The following AGBL4 variants were observed in gnomAD, a reference collection of about 807,000 sequenced individuals.
AGBL4 encodes the protein AGBL carboxypeptidase 4, also known as cytosolic carboxypeptidase 6.
AGBL4 carries 58 observed loss-of-function variants against 66.4 expected under a neutral mutation model. The observed-to-expected ratio is 0.87, with a 90% CI of 0.71 to 1.09. AGBL4 has a LOEUF of 1.09. Among genes scored for constraint, AGBL4 ranks in the 50% least tolerant of loss-of-function variants. The pLI, the probability that AGBL4 is intolerant of heterozygous loss-of-function variation, is 0.00. For missense variants in AGBL4, 579 were observed against 631.0 expected (o/e 0.92, Z 0.88); for synonymous variants, 234 against 222.9 (o/e 1.05, Z -0.44).
intron 3 of AGBL4, among the ~76,000 whole-genome samples, chr1:49,265,936 C>A (rs1440233718): frequency 6.6e-6 from 1 of 152,038 alleles, no homozygotes; most frequent in Non-Finnish European, 1.5e-5. Flanking sequence ...CCATGAAGAA[C>A]CAAAAAGTTG....
At chr1:48,996,817 C>CCATTCCTT (rs1553137069) in intron 5 of AGBL4, among the ~76,000 whole-genome samples, 1 of 147,756 alleles carries the variant, frequency 6.8e-6, no homozygotes, top group Non-Finnish European at 1.5e-5. Context: ...CTTCCTTCCT[C>CCATTCCTT]CCTTCCTTCC....
intron 6 of AGBL4, among the ~76,000 whole-genome samples, chr1:48,706,469 T>C (rs17104687): frequency 0.046 from 6,990 of 152,032 alleles, 493 homozygotes; most frequent in African/African-American, 0.15. Flanking sequence ...CACATGGAAA[T>C]TGAAATCACT....
chr1:49,629,884 G>C (rs1282823248), intron 3 of AGBL4, among the ~76,000 whole-genome samples: 1 of 152,030 alleles, frequency 6.6e-6, no homozygotes, highest in Admixed American at 6.6e-5. Context: ...AGTGACTTTT[G>C]GGGGGAAATC....
At chr1:49,956,515 G>A (rs962906464) in intron 1 of AGBL4, among the ~76,000 whole-genome samples, 1 of 151,816 alleles carries the variant, frequency 6.6e-6, no homozygotes. Context: ...ACATTATAAT[G>A]ACTTACCCTT....
At position 49,795,998 on chromosome 1, in the gene AGBL4, A is replaced by G. The variant is rs544659698; in HGVS notation, c.157+55398T>C. On this transcript the variant is annotated intron_variant, in intron 2 of 13. Transcript: ENST00000371839. Reference sequence around the variant, plus strand: ...AATCATGATCATAAAATTAAAATATATCAAGCTAAGAAAATACTGGCCACA... The same window carrying G: ...AATCATGATCATAAAATTAAAATATGTCAAGCTAAGAAAATACTGGCCACA... Among the ~76,000 whole-genome samples the G allele has an allele frequency of 9.9e-5, 15 of 152,108 alleles. No homozygotes were observed. The South Asian group carries it at 3.1e-3, about 32-fold the overall frequency.
At chr1:49,925,732 C>A (rs1652700147) in intron 1 of AGBL4, among the ~76,000 whole-genome samples, 2 of 152,182 alleles carry the variant, frequency 1.3e-5, no homozygotes, top group South Asian at 4.1e-4. Flanking sequence ...ATTGGCAGTG[C>A]CCTGGCGGTG....
chr1:48,707,810 C>T (rs1184848425), intron 6 of AGBL4, among the ~76,000 whole-genome samples: 1 of 152,180 alleles, frequency 6.6e-6, no homozygotes. Flanking sequence ...GCCAAGCTGT[C>T]TATCAGGTTC....
At chr1:50,002,559 C>T (rs1162428905) in intron 1 of AGBL4, among the ~76,000 whole-genome samples, 1 of 151,168 alleles carries the variant, frequency 6.6e-6, no homozygotes, top group Non-Finnish European at 1.5e-5. Flanking sequence ...TTAGTAGAGA[C>T]GGGGTTTCAC....
At chr1:48,605,789 T>C (rs1215596933) in intron 9 of AGBL4, among the ~76,000 whole-genome samples, 1 of 152,344 alleles carries the variant, frequency 6.6e-6, no homozygotes, top group Middle Eastern at 3.4e-3. Flanking sequence ...TTATCTTCTC[T>C]GAGAAATGCT....
intron 4 of AGBL4, among the ~76,000 whole-genome samples, chr1:49,065,228 T>A (rs949536457): frequency 2.6e-5 from 4 of 152,146 alleles, no homozygotes; most frequent in Non-Finnish European, 4.4e-5. Context: ...AGGCTAACAC[T>A]TAAACAATAT....
intron 9 of AGBL4, among the ~76,000 whole-genome samples, chr1:48,611,873 T>G (rs531850011): frequency 1.0e-3 from 158 of 152,356 alleles, no homozygotes; most frequent in African/African-American, 3.7e-3. Flanking sequence ...CTCCCTAGTC[T>G]GAAACAAACA....
At chr1:49,881,717 C>A (rs536714449) in intron 1 of AGBL4, among the ~76,000 whole-genome samples, 1 of 151,182 alleles carries the variant, frequency 6.6e-6, no homozygotes, top group South Asian at 2.1e-4. Context: ...GTCCCTCGCC[C>A]ACTTTTTGAT....
chr1:49,957,576 G>A (rs1656726852), intron 1 of AGBL4, among the ~76,000 whole-genome samples: 1 of 151,906 alleles, frequency 6.6e-6, no homozygotes, highest in African/African-American at 2.4e-5. Flanking sequence ...AGGATAGTTA[G>A]CTCTTCTTGT....
At chr1:49,502,789 A>G (rs1648290657) in intron 3 of AGBL4, among the ~76,000 whole-genome samples, 1 of 152,098 alleles carries the variant, frequency 6.6e-6, no homozygotes, top group South Asian at 2.1e-4. Context: ...CTTTGAACTT[A>G]GGAGAGATGA....
chr1:49,339,389 C>T (rs539053572), intron 3 of AGBL4, among the ~76,000 whole-genome samples: 4 of 152,210 alleles, frequency 2.6e-5, no homozygotes, highest in South Asian at 2.1e-4. Context: ...TAATGTTTTT[C>T]GTGGATGGTG....
At chr1:48,865,474 G>C (rs551089334) in intron 6 of AGBL4, among the ~76,000 whole-genome samples, 1 of 152,076 alleles carries the variant, frequency 6.6e-6, no homozygotes, top group Non-Finnish European at 1.5e-5. Context: ...CACCTTTTGG[G>C]ATGCCCTGGC....
intron 3 of AGBL4, among the ~76,000 whole-genome samples, chr1:49,300,768 T>C (rs1644730672): frequency 1.3e-5 from 2 of 152,160 alleles, no homozygotes; most frequent in Admixed American, 6.5e-5. Context: ...AATTTGGCCA[T>C]GGAAAAAATA....
intron 6 of AGBL4, among the ~76,000 whole-genome samples, chr1:48,726,310 T>C (rs1647269927): frequency 6.6e-6 from 1 of 152,192 alleles, no homozygotes. Flanking sequence ...TCTTTGTTAC[T>C]CACAGAGAGA....
At chr1:48,875,426 T>A (rs1649126545) in intron 5 of AGBL4, among the ~76,000 whole-genome samples, 1 of 152,132 alleles carries the variant, frequency 6.6e-6, no homozygotes. Context: ...TAGATAAGCG[T>A]GGACATCACT....
Sources: gnomAD v4.1 joint callset for allele counts (sites outside exome capture counted in the v4.1 genomes callset) on GRCh38, gnomAD v4.1.1 for gene constraint, MANE v1.5 for transcripts, NCBI Gene and HGNC (gene_info 2026-07-23, HGNC 2026-07-21) for gene names.